The following KCNH7 variants were observed in gnomAD, a reference collection of about 807,000 sequenced individuals.
The protein encoded by KCNH7 is potassium voltage-gated channel subfamily H member 7.
In KCNH7, 49 loss-of-function variants were observed where a neutral mutation model predicts 120.8. The observed-to-expected ratio is 0.41, with a 90% confidence interval of 0.32 to 0.51. The LOEUF (loss-of-function observed/expected upper bound fraction) is 0.51, where lower values mean the gene tolerates loss of function less well. Among genes scored for constraint, KCNH7 ranks in the 20% least tolerant of loss-of-function variants. The pLI, the probability that KCNH7 is intolerant of heterozygous loss-of-function variation, is 0.38. For synonymous variants in KCNH7, 547 were observed against 516.1 expected (o/e 1.06, Z -0.81); for missense variants, 1,097 against 1,446.6 (o/e 0.76, Z 3.92).
intron 9 of KCNH7, among the ~76,000 whole-genome samples, chr2:162,410,109 C>A (rs187973123): frequency 1.3e-5 from 2 of 152,050 alleles, no homozygotes; most frequent in East Asian, 3.9e-4. Context: ...CAGAAATACT[C>A]CTGAATTGCC....
At chr2:162,708,678 A>T (rs1686806486) in intron 2 of KCNH7, among the ~76,000 whole-genome samples, 1 of 152,144 alleles carries the variant, frequency 6.6e-6, no homozygotes, top group African/African-American at 2.4e-5. Context: ...AAAGAGAACC[A>T]CTAGAGATAA....
intron 7 of KCNH7, among the ~76,000 whole-genome samples, chr2:162,440,517 C>T (rs1398968201): frequency 2.6e-5 from 4 of 151,998 alleles, no homozygotes; most frequent in Admixed American, 2.6e-4. Context: ...ATATCAGAAA[C>T]TAGTTTCTAG....
intron 2 of KCNH7, among the ~76,000 whole-genome samples, chr2:162,790,784 C>G (rs1683904972): frequency 6.6e-6 from 1 of 151,994 alleles, no homozygotes; most frequent in South Asian, 2.1e-4. Flanking sequence ...ATTCACAACT[C>G]TTTCATAATA....
chr2:162,633,116 A>G (rs1043302039), intron 2 of KCNH7, among the ~76,000 whole-genome samples: 1 of 151,970 alleles, frequency 6.6e-6, no homozygotes, highest in East Asian at 1.9e-4. Flanking sequence ...CTATATAACT[A>G]GGATCTTAAC....
At chr2:162,787,780 C>T (rs1008477530) in intron 2 of KCNH7, among the ~76,000 whole-genome samples, 4 of 152,136 alleles carry the variant, frequency 2.6e-5, no homozygotes, top group African/African-American at 9.7e-5. Context: ...GTCAGGCTGG[C>T]ATCCACAGAC....
intron 2 of KCNH7, among the ~76,000 whole-genome samples, chr2:162,827,199 A>G (rs1685316105): frequency 6.6e-6 from 1 of 152,114 alleles, no homozygotes; most frequent in Non-Finnish European, 1.5e-5. Flanking sequence ...TTTCCCTTTA[A>G]AATACTAGTG....
At chr2:162,588,514 T>C (rs1340506158) in intron 2 of KCNH7, among the ~76,000 whole-genome samples, 1 of 152,122 alleles carries the variant, frequency 6.6e-6, no homozygotes, top group African/African-American at 2.4e-5. Context: ...TATGAACCTC[T>C]TGTTGAAATC....
chr2:162,575,940 A>G (rs1303287700), intron 2 of KCNH7, among the ~76,000 whole-genome samples: 2 of 152,092 alleles, frequency 1.3e-5, no homozygotes, highest in Non-Finnish European at 2.9e-5. Flanking sequence ...AACATTATAA[A>G]CAATCTTTCA....
At chr2:162,697,821 C>T (rs756478777) in intron 2 of KCNH7, among the ~76,000 whole-genome samples, 60 of 152,024 alleles carry the variant, frequency 3.9e-4, no homozygotes, top group Non-Finnish European at 6.3e-4. Flanking sequence ...CTGTTTACCT[C>T]GGTTGCCTCA....
At chr2:162,420,292 C>T (rs1687661026) in intron 9 of KCNH7, among the ~76,000 whole-genome samples, 1 of 152,150 alleles carries the variant, frequency 6.6e-6, no homozygotes, top group South Asian at 2.1e-4. Flanking sequence ...AGGAGAATTG[C>T]TTGAACCCAG....
intron 2 of KCNH7, among the ~76,000 whole-genome samples, chr2:162,715,626 T>C (rs1687092152): frequency 6.6e-6 from 1 of 152,172 alleles, no homozygotes; most frequent in Non-Finnish European, 1.5e-5. Flanking sequence ...GCTGGGCCAA[T>C]GGTACGTCAG....
intron 2 of KCNH7, among the ~76,000 whole-genome samples, chr2:162,555,975 C>A (rs1692842334): frequency 6.6e-6 from 1 of 151,956 alleles, no homozygotes; most frequent in Non-Finnish European, 1.5e-5. Flanking sequence ...GTATTCTTCA[C>A]AAATATTATT....
chr2:162,513,358 T>TTTCCTTCCTTCC lies in KCNH7; in HGVS notation c.893-696_893-685dup, dbSNP rs71009361. Among the ~76,000 whole-genome samples the TTTCCTTCCTTCC allele has an allele frequency of 1.3e-4, 12 of 91,768 alleles. No individual in the cohort carries two copies. The East Asian group carries it at 2.9e-3, about 22-fold the overall frequency. The allele number at this position is 91,768 out of a possible 152,430, so 60.2% of individuals were successfully genotyped here. A position where few individuals can be genotyped will look rare whatever the true frequency, so the allele number is the denominator to read the frequency against. On this transcript the variant is annotated intron_variant, in intron 4 of 15. Transcript: ENST00000332142. ...CCTTCCTTCCCTCCTTCCCTCCTTC[T>TTTCCTTCCTTCC]TTCCTTCCTTCCTTCCTTCCTTCCT... is the stretch of plus-strand genomic sequence containing the variant.
At chr2:162,454,639 T>C (rs1688895765) in intron 6 of KCNH7, among the ~76,000 whole-genome samples, 1 of 152,166 alleles carries the variant, frequency 6.6e-6, no homozygotes, top group Non-Finnish European at 1.5e-5. Flanking sequence ...GAGCAGTGAT[T>C]TGTAGTTCTC....
intron 2 of KCNH7, among the ~76,000 whole-genome samples, chr2:162,826,080 T>A (rs535705800): frequency 1.3e-5 from 2 of 152,224 alleles, no homozygotes; most frequent in East Asian, 3.9e-4. Context: ...ATGTGACTGA[T>A]GAAGTGTCTT....
At chr2:162,738,581 A>G (rs1258384449) in intron 2 of KCNH7, among the ~76,000 whole-genome samples, 2 of 152,206 alleles carry the variant, frequency 1.3e-5, no homozygotes, top group African/African-American at 4.8e-5. Flanking sequence ...CAAGAGACCC[A>G]CAGGAAACAC....
intron 2 of KCNH7, among the ~76,000 whole-genome samples, chr2:162,598,631 A>G (rs1248176548): frequency 6.6e-6 from 1 of 152,152 alleles, no homozygotes; most frequent in Non-Finnish European, 1.5e-5. Context: ...AGTACTGTGT[A>G]ACCATCACTC....
intron 2 of KCNH7, among the ~76,000 whole-genome samples, chr2:162,808,147 A>T (rs1315246953): frequency 2.0e-5 from 3 of 152,232 alleles, no homozygotes; most frequent in African/African-American, 7.2e-5. Context: ...GTATTCTTTA[A>T]GTCATGCCTA....
intron 2 of KCNH7, among the ~76,000 whole-genome samples, chr2:162,651,341 T>C (rs1012718248): frequency 7.9e-5 from 12 of 152,150 alleles, no homozygotes; most frequent in Admixed American, 7.9e-4. Context: ...CCAATAGTTA[T>C]CTTTTCCACT....
Sources: allele counts gnomAD v4.1 joint callset (sites outside exome capture counted in the v4.1 genomes callset), GRCh38; gene constraint gnomAD v4.1.1; transcripts MANE v1.5; gene names NCBI Gene and HGNC (gene_info 2026-07-23, HGNC 2026-07-21).